TEF: variants seen among roughly 807,000 people sequenced by gnomAD.
TEF encodes thyrotroph embryonic factor.
A neutral mutation model predicts 20.8 loss-of-function variants in TEF; 3 were observed. That is an observed-to-expected ratio of 0.14 (90% CI 0.07 to 0.37). The LOEUF (loss-of-function observed/expected upper bound fraction) is 0.37. TEF is among the 10% of genes least tolerant of loss of function. The pLI is 1.00. For synonymous variants in TEF, 180 were observed against 171.1 expected, an observed-to-expected ratio of 1.05 and a Z score of -0.41; for missense variants, 296 against 397.9, an observed-to-expected ratio of 0.74 and a Z score of 2.18.
Position 41,396,455 on chromosome 22 carries a change from TCCCATC to T in TEF, c.*496_*501del. 4 of 164,830 alleles carry T rather than the reference TCCCATC, an allele frequency of 2.4e-5. No individual in the cohort carries two copies. Among genetic ancestry groups the T allele is most frequent in the South Asian group, 1.9e-4 (1 of 5,292 alleles). The allele number at this position is 164,830 out of a possible 1,614,324, so 10.2% of individuals were successfully genotyped here. A position where few individuals can be genotyped will look rare whatever the true frequency, so the allele number is the denominator to read the frequency against. On this transcript the variant is annotated 3_prime_UTR_variant, in exon 4 of 4. Transcript: ENST00000266304. ...CAGACAGTCTTTGAGTAACATCTGT[TCCCATC>T]TTCCTTGGAAGCAGGACACACCAGC...
Position 41,382,087 on chromosome 22 carries a change from C to G in TEF, c.43C>G (p.Gln15Glu). The change falls in exon 1 of 4, where the codon CAG becomes GAG. Residue 15 changes from glutamine to glutamate, a missense_variant. By Grantham distance (29) the Gln-to-Glu change is conservative. Transcript: ENST00000266304. ...CGGAAAGAAGCCGCCTGTGGACCCG[C>G]AGGCAGGACCCGGTCCGGGGCCGGG... ...GGGKKPPVDP[Q>E]AGPGPGPGRA... The G allele has an allele frequency of 8.1e-7, 1 of 1,232,074 alleles. No homozygotes were observed. Among genetic ancestry groups the G allele is most frequent in the Non-Finnish European group, 1.0e-6 (1 of 987,818 alleles). 76.3% of individuals were successfully genotyped at this position (1,232,074 alleles called of 1,614,324 possible).
chr22:41,386,147 T>C (rs183006390), intron 1 of TEF, among the ~76,000 whole-genome samples: 124 of 152,286 alleles, frequency 8.1e-4, no homozygotes, highest in East Asian at 1.9e-3. Context: ...CTATTCTGAA[T>C]TAACCCTGTG....
At chr22:41,379,759 G>C (rs574853102), upstream of TEF, among the ~76,000 whole-genome samples, 2 of 151,778 alleles carry the variant, frequency 1.3e-5, no homozygotes, top group South Asian at 2.1e-4. Flanking sequence ...CGGGCGTGGT[G>C]ACGCATGCCT....
rs776588311 is a variant in TEF at position 41,387,427 on chromosome 22, C to A, written c.234C>A (p.Leu78=). 3.7e-6 allele frequency: 6 copies of A among 1,614,216 alleles called. No individual in the cohort carries two copies. The highest frequency in any genetic ancestry group is 5.1e-6 in the Non-Finnish European group (6 of 1,180,036). The change falls in exon 2 of 4, where the codon CTC becomes CTA. Residue 78 remains leucine, a synonymous_variant. Coordinates refer to ENST00000266304, the MANE Select transcript of TEF (RefSeq NM_003216.4). ...GCACCATGGCTGTCTCAGCCTCCCT[C>A]ATGCCACCCATCTGGGACAAGACCA... is the stretch of plus-strand genomic sequence containing the variant. ...AASTMAVSAS[L]MPPIWDKTIP...
rs530369480 is a variant in TEF, at chr22:41,396,365, A to G, written c.*405A>G. 16 of 184,554 alleles carry G rather than the reference A, an allele frequency of 8.7e-5. 1 individual carries two copies. Among genetic ancestry groups the G allele is most frequent in the East Asian group, 6.9e-4 (5 of 7,254 alleles). 11.4% of individuals were successfully genotyped at this position (184,554 alleles called of 1,614,324 possible). ...AATGAGTTGTGATCATTGTCACCCT[A>G]TGTCTTCTCAGGTAGCAGGGCGCGT... On this transcript the variant is annotated 3_prime_UTR_variant, in exon 4 of 4. Transcript: ENST00000266304.
chr22:41,370,356 G>A (rs867828260), intron 1 of TEF, among the ~76,000 whole-genome samples: 5 of 147,386 alleles, frequency 3.4e-5, no homozygotes, highest in Non-Finnish European at 5.9e-5. Context: ...CTCATGATCC[G>A]CCCGCCTCAG....
chr22:41,393,990 C>A, intron 2 of TEF, 106 bp from the exon 3 acceptor site: 1 of 980,954 alleles, frequency 1.0e-6, no homozygotes, highest in Non-Finnish European at 1.5e-6. Flanking sequence ...CCCCAGGCGG[C>A]AGTGGCTTAT....
upstream of TEF, among the ~76,000 whole-genome samples, chr22:41,381,277 AGAACAAAAAGACCC>A (rs1329155458): frequency 5.3e-5 from 8 of 152,164 alleles, no homozygotes; most frequent in Non-Finnish European, 1.0e-4. Flanking sequence ...CAGAGTCCCC[AGAACAAAAAGACCC>A]GTCCCTCCCT....
chr22:41,368,769 C>G (rs937833078), intron 1 of TEF, among the ~76,000 whole-genome samples: 2 of 152,160 alleles, frequency 1.3e-5, no homozygotes, highest in Non-Finnish European at 2.9e-5. Context: ...TGGGACAGTC[C>G]AGGCCACCCT....
intron 2 of TEF, among the ~76,000 whole-genome samples, chr22:41,393,871 C>G (rs2037195876): frequency 1.3e-5 from 2 of 151,914 alleles, no homozygotes; most frequent in South Asian, 4.1e-4. Flanking sequence ...CTTCTGTTTC[C>G]TTTTGAGCAT....
upstream of TEF, among the ~76,000 whole-genome samples, chr22:41,381,564 C>T (rs1424046116): frequency 2.0e-5 from 3 of 152,160 alleles, no homozygotes; most frequent in South Asian, 4.1e-4. Flanking sequence ...AAGTCGGGGA[C>T]AAGAGGGAGA....
chr22:41,382,338 G>C (rs1457958377), intron 1 of TEF, 137 bp downstream of exon 1: 1 of 792,634 alleles, frequency 1.3e-6, no homozygotes, highest in Non-Finnish European at 1.7e-6. Flanking sequence ...GGATGACCAG[G>C]AGCCTGGAGG....
chr22:41,369,781 T>C (rs374622931), intron 1 of TEF: 139 of 413,260 alleles, frequency 3.4e-4, no homozygotes, highest in Admixed American at 9.0e-4. Context: ...TGGGTGTGAA[T>C]TGGAGAAAGA....
intron 1 of TEF, among the ~76,000 whole-genome samples, chr22:41,375,814 G>A (rs1216171265): frequency 6.6e-6 from 1 of 151,874 alleles, no homozygotes; most frequent in Non-Finnish European, 1.5e-5. Flanking sequence ...AACAAAGCAA[G>A]CCAACAAATA....
intron 1 of TEF, among the ~76,000 whole-genome samples, chr22:41,387,022 C>T (rs551304459): frequency 2.0e-5 from 3 of 152,010 alleles, no homozygotes; most frequent in African/African-American, 4.8e-5. Flanking sequence ...CCAGCCTGGG[C>T]GACGAGCAAA....
intron 1 of TEF, among the ~76,000 whole-genome samples, chr22:41,370,639 T>C (rs907379360): frequency 6.6e-6 from 1 of 151,896 alleles, no homozygotes; most frequent in Non-Finnish European, 1.5e-5. Flanking sequence ...CTCAAACTCC[T>C]GACCTCCAGT....
At chr22:41,372,859 C>G (rs973855465) in intron 1 of TEF, among the ~76,000 whole-genome samples, 1 of 152,030 alleles carries the variant, frequency 6.6e-6, no homozygotes, top group East Asian at 1.9e-4. Context: ...GCCAGCTACC[C>G]GAGGAACTTT....
At chr22:41,375,723 C>CAAAAA (rs200212380) in intron 1 of TEF, among the ~76,000 whole-genome samples, 1 of 74,744 alleles carries the variant, frequency 1.3e-5, no homozygotes, top group Non-Finnish European at 2.9e-5. Flanking sequence ...GACTCTGTCT[C>CAAAAA]AAAAAAAAAA....
At chr22:41,375,554 T>C (rs1260574491) in intron 1 of TEF, among the ~76,000 whole-genome samples, 2 of 152,094 alleles carry the variant, frequency 1.3e-5, no homozygotes, top group Non-Finnish European at 2.9e-5. Context: ...ATCGAGGCCA[T>C]GCTGGCTAAC....
Sources: allele counts gnomAD v4.1 joint callset (sites outside exome capture counted in the v4.1 genomes callset), GRCh38; gene constraint gnomAD v4.1.1; transcripts MANE v1.5; gene names NCBI Gene and HGNC (gene_info 2026-07-23, HGNC 2026-07-21).